The following OR4N4 variants were observed in gnomAD, a reference collection of about 807,000 sequenced individuals.
OR4N4 encodes olfactory receptor 4N4.
In OR4N4, 1 loss-of-function variant was observed where a neutral mutation model predicts 4.7. The observed-to-expected ratio is 0.21, with a 90% CI of 0.08 to 1.01. The LOEUF is 1.01. OR4N4 is among the 50% of genes least tolerant of loss of function. The pLI is 0.59. For missense variants in OR4N4, 15 were observed against 146.9 expected (o/e 0.10, Z 4.64); for synonymous variants, 7 against 51.0 (o/e 0.14, Z 3.68).
At chr15:22,095,124 C>T (rs781768458) in exon 1 of OR4N4, 1 of 952,196 alleles carries the variant, frequency 1.1e-6, no homozygotes, top group Non-Finnish European at 1.5e-6. Flanking sequence ...TAATGGTCTT[C>T]AACAGTGGCC....
chr15:22,095,178 A>C, exon 1 of OR4N4: 1 of 1,112,524 alleles, frequency 9.0e-7, no homozygotes, highest in East Asian at 2.7e-5. Flanking sequence ...CTTCCTATGC[A>C]GTCATCCTCT....
rs375638826 is a variant in OR4N4, at chr15:22,095,091, C to T, written c.570C>T (p.Thr190=). 14 of 923,162 alleles carry T rather than the reference C, an allele frequency of 1.5e-5. 5 individuals are homozygous for T. Among genetic ancestry groups the T allele is most frequent in the African/African-American group, 2.2e-5 (1 of 45,596 alleles). 57.2% of individuals were successfully genotyped at this position (923,162 alleles called of 1,614,324 possible). ...GACAGGTCATCAAGCTGGCTTGCACCGACATGTTTGTGGTGGAGCTTCTAA... is the reference window on the plus strand; with the variant it reads ...GACAGGTCATCAAGCTGGCTTGCACTGACATGTTTGTGGTGGAGCTTCTAA... Residue 190 remains threonine, a synonymous_variant, in exon 1 of 1, where the codon ACC becomes ACT. Transcript: ENST00000328795.
Position 22,095,304 on chromosome 15 carries a change from TTTCAGGGCCTTAC to T in OR4N4, c.784_796del (p.Phe262GlnfsTer12), listed in dbSNP as rs1354768038. On this transcript the variant is annotated frameshift_variant, in exon 1 of 1. Transcript: ENST00000328795. LOFTEE classifies it high-confidence loss of function. Reference sequence around the variant, plus strand: ...CTGCTATCTTCATCTACATGTGCCCTTTCAGGGCCTTACCAGCTGACAAGATGGTTTCTCTCTT... The same window carrying T: ...CTGCTATCTTCATCTACATGTGCCCTCAGCTGACAAGATGGTTTCTCTCTT... The T allele has an allele frequency of 1.1e-6, 1 of 915,506 alleles. No homozygotes were observed. Among genetic ancestry groups the T allele is most frequent in the South Asian group, 1.5e-5 (1 of 67,900 alleles). 56.7% of individuals were successfully genotyped at this position (915,506 alleles called of 1,614,324 possible).
rs763051623 is a variant in OR4N4 at position 22,095,086 on chromosome 15, T to A, written c.565T>A (p.Cys189Ser). ...TGTCCGACAGGTCATCAAGCTGGCT[T>A]GCACCGACATGTTTGTGGTGGAGCT... Residue 189 changes from cysteine (C) to serine (S), a missense_variant, in exon 1 of 1, where the codon TGC (cysteine) becomes AGC (serine). Physicochemically the swap from Cys to Ser is moderately radical, Grantham distance 112. Transcript: ENST00000328795. 3.2e-6 allele frequency: 3 copies of A among 923,720 alleles called. 1 individual carries two copies. The allele number at this position is 923,720 out of a possible 1,614,324, so 57.2% of individuals were successfully genotyped here.
Sources: gnomAD v4.1 joint callset for allele counts on GRCh38, gnomAD v4.1.1 for gene constraint, MANE v1.5 for transcripts, NCBI Gene and HGNC (gene_info 2026-07-23, HGNC 2026-07-21) for gene names.